NRF1: variants seen among roughly 807,000 people sequenced by gnomAD.
NRF1 encodes alpha palindromic-binding protein.
A neutral mutation model predicts 58.5 loss-of-function variants in NRF1; 5 were observed. The observed-to-expected ratio is 0.09, with a 90% confidence interval of 0.04 to 0.18. The LOEUF (loss-of-function observed/expected upper bound fraction) is 0.18, where lower values mean the gene tolerates loss of function less well. Among genes scored for constraint, NRF1 ranks in the 10% least tolerant of loss-of-function variants. The pLI is 1.00. For missense variants in NRF1, 288 were observed against 657.7 expected, an observed-to-expected ratio of 0.44 and a Z score of 6.15; for synonymous variants, 224 against 246.7, an observed-to-expected ratio of 0.91 and a Z score of 0.86.
chr7:129,632,800 AATAC>A (rs1801080018), intron 1 of NRF1, among the ~76,000 whole-genome samples: 1 of 152,212 alleles, frequency 6.6e-6, no homozygotes, highest in African/African-American at 2.4e-5. Context: ...GTGTGAAAGT[AATAC>A]ATGTTTTTTG....
rs187063456 is a variant in NRF1 at position 129,739,246 on chromosome 7, G to C, written c.1348+11881G>C. On this transcript the variant is annotated intron_variant, in intron 10 of 10. Coordinates refer to ENST00000393232, the MANE Select transcript of NRF1 (RefSeq NM_005011.5). ...TAGTCACAATCATATTTCAAGTGCTGAATAGCCACATACGCCCTGAGATAC... is the reference window on the plus strand; with the variant it reads ...TAGTCACAATCATATTTCAAGTGCTCAATAGCCACATACGCCCTGAGATAC... 2.6e-4 allele frequency among the ~76,000 whole-genome samples: 39 copies of C among 152,308 alleles called. 1 individual carries two copies. In the East Asian group the frequency reaches 5.8e-3, roughly 23 times the overall value.
At chr7:129,716,421 T>C (rs1179184398) in intron 8 of NRF1, among the ~76,000 whole-genome samples, 1 of 152,176 alleles carries the variant, frequency 6.6e-6, no homozygotes, top group Non-Finnish European at 1.5e-5. Context: ...AATTTTTTTT[T>C]CCTCTCATGG....
At chr7:129,672,792 T>C (rs1802080964) in intron 3 of NRF1, among the ~76,000 whole-genome samples, 1 of 152,170 alleles carries the variant, frequency 6.6e-6, no homozygotes, top group African/African-American at 2.4e-5. Context: ...AAGTTTGTGA[T>C]GCCTCTAACC....
chr7:129,721,666 A>C (rs1186677572), intron 9 of NRF1, among the ~76,000 whole-genome samples: 2 of 151,870 alleles, frequency 1.3e-5, no homozygotes, highest in Non-Finnish European at 2.9e-5. Context: ...TATTTTTAGT[A>C]GAGAGGGGGT....
intron 1 of NRF1, chr7:129,630,208 G>A (rs1052740945): frequency 6.6e-5 from 10 of 152,218 alleles, no homozygotes; most frequent in Non-Finnish European, 1.0e-4. Context: ...ATCCATTCAG[G>A]CAGCTTTTCC....
At chr7:129,697,461 T>C (rs1424979571) in intron 5 of NRF1, among the ~76,000 whole-genome samples, 1 of 150,082 alleles carries the variant, frequency 6.7e-6, no homozygotes, top group Non-Finnish European at 1.5e-5. Context: ...GACAGGAGAA[T>C]CGCTTGAACC....
At chr7:129,620,676 G>A (rs1016115435) in intron 1 of NRF1, among the ~76,000 whole-genome samples, 13 of 152,206 alleles carry the variant, frequency 8.5e-5, no homozygotes, top group East Asian at 5.8e-4. Flanking sequence ...ATGAGCCACC[G>A]CACTGGGCCC....
intron 10 of NRF1, among the ~76,000 whole-genome samples, chr7:129,728,468 CAAA>C (rs60777041): frequency 4.2e-5 from 4 of 96,352 alleles, no homozygotes; most frequent in Admixed American, 9.9e-5. Context: ...GACTCCGTCT[CAAA>C]AAAAAAAAAA....
rs150534075 is a variant in NRF1, at chr7:129,625,884, A to G, written c.-7+14060A>G. ...TTTTTAGTAGAGATGGGGTTTCACC[A>G]TGTTAGCCAGGATGGTCTTGATTTT... On this transcript the variant is annotated intron_variant, in intron 1 of 10. Coordinates refer to ENST00000393232, the MANE Select transcript of NRF1 (RefSeq NM_005011.5). 8.5e-4 allele frequency among the ~76,000 whole-genome samples: 130 copies of G among 152,110 alleles called. 1 individual carries two copies. Among genetic ancestry groups the G allele is most frequent in the East Asian group, 7.7e-3 (40 of 5,176 alleles).
At chr7:129,721,677 T>G (rs1035080930) in intron 9 of NRF1, among the ~76,000 whole-genome samples, 3 of 152,036 alleles carry the variant, frequency 2.0e-5, no homozygotes, top group Non-Finnish European at 4.4e-5. Flanking sequence ...GAGAGGGGGT[T>G]TCACTGTGTT....
intron 9 of NRF1, among the ~76,000 whole-genome samples, chr7:129,721,651 T>C (rs1450721987): frequency 2.6e-5 from 4 of 151,822 alleles, no homozygotes; most frequent in Non-Finnish European, 5.9e-5. Context: ...CCAGCTAATT[T>C]TTTATATTTT....
At chr7:129,733,573 C>T (rs1803636586) in intron 10 of NRF1, among the ~76,000 whole-genome samples, 1 of 152,150 alleles carries the variant, frequency 6.6e-6, no homozygotes, top group African/African-American at 2.4e-5. Flanking sequence ...AAGTTTTCTC[C>T]TCTGCTTCTA....
chr7:129,717,085 C>A, intron 8 of NRF1, 134 bp from the exon 9 acceptor site: 1 of 794,296 alleles, frequency 1.3e-6, no homozygotes, highest in Non-Finnish European at 2.0e-6. Flanking sequence ...AAGCTCTGTT[C>A]TGTATATTGC....
intron 1 of NRF1, among the ~76,000 whole-genome samples, chr7:129,631,987 A>C (rs948457605): frequency 6.6e-6 from 1 of 152,200 alleles, no homozygotes; most frequent in Non-Finnish European, 1.5e-5. Flanking sequence ...AAATTTTCTC[A>C]TTATATGCCA....
chr7:129,620,673 A>G (rs1289684292), intron 1 of NRF1, among the ~76,000 whole-genome samples: 3 of 152,246 alleles, frequency 2.0e-5, no homozygotes, highest in African/African-American at 7.2e-5. Context: ...GGCATGAGCC[A>G]CCGCACTGGG....
intron 10 of NRF1, among the ~76,000 whole-genome samples, chr7:129,733,671 A>C (rs1245721956): frequency 6.6e-6 from 1 of 152,122 alleles, no homozygotes; most frequent in East Asian, 1.9e-4. Context: ...TGCACTTTGA[A>C]ATTTCACTTT....
At chr7:129,658,294 A>G (rs969615827) in intron 2 of NRF1, among the ~76,000 whole-genome samples, 1 of 152,060 alleles carries the variant, frequency 6.6e-6, no homozygotes, top group Admixed American at 6.6e-5. Context: ...TCCTTTATTT[A>G]TCAATGCCTT....
intron 8 of NRF1, among the ~76,000 whole-genome samples, chr7:129,716,569 G>A (rs1803194317): frequency 6.6e-6 from 1 of 151,998 alleles, no homozygotes; most frequent in Non-Finnish European, 1.5e-5. Context: ...ATTGAGAAAC[G>A]TATTTAAAAG....
At chr7:129,701,458 G>A (rs1373858273) in intron 5 of NRF1, among the ~76,000 whole-genome samples, 1 of 151,880 alleles carries the variant, frequency 6.6e-6, no homozygotes, top group Non-Finnish European at 1.5e-5. Context: ...CAATTAGCCG[G>A]CCATGGTAAC....
Sources: gnomAD v4.1 joint callset for allele counts (sites outside exome capture counted in the v4.1 genomes callset) on GRCh38, gnomAD v4.1.1 for gene constraint, MANE v1.5 for transcripts, NCBI Gene and HGNC (gene_info 2026-07-23, HGNC 2026-07-21) for gene names.